Variants in HS6ST3 observed in about 807,000 individuals in gnomAD.
The protein encoded by HS6ST3 is heparan-sulfate 6-O-sulfotransferase 3.
Under a neutral mutation model 36.7 loss-of-function variants are expected in HS6ST3, and 12 were observed. The ratio of observed to expected loss-of-function variants is 0.33; its 90% CI spans 0.21 to 0.53. The LOEUF (loss-of-function observed/expected upper bound fraction) is 0.53. Among genes scored for constraint, HS6ST3 ranks in the 20% least tolerant of loss-of-function variants. HS6ST3 has a pLI of 0.95. For missense variants in HS6ST3, 584 were observed against 640.9 expected, an observed-to-expected ratio of 0.91 and a Z score of 0.96; for synonymous variants, 240 against 257.5, an observed-to-expected ratio of 0.93 and a Z score of 0.65.
chr13:96,570,981 T>G (rs1449451399), intron 1 of HS6ST3, among the ~76,000 whole-genome samples: 1 of 152,134 alleles, frequency 6.6e-6, no homozygotes, highest in African/African-American at 2.4e-5. Flanking sequence ...GGGAGTGTTT[T>G]GGGCCAGAAA....
chr13:96,235,586 C>G (rs947508813), intron 1 of HS6ST3, among the ~76,000 whole-genome samples: 17 of 152,034 alleles, frequency 1.1e-4, no homozygotes, highest in African/African-American at 3.9e-4. Flanking sequence ...AAGGGCGTAG[C>G]ATGGGTTGTT....
At position 96,834,696 on chromosome 13, in the gene HS6ST3, A is replaced by G. The variant is rs1026376370; in HGVS notation, c.*1498A>G. The G allele has an allele frequency of 6.6e-6, 1 of 152,612 alleles. No homozygotes were observed. Among genetic ancestry groups the G allele is most frequent in the Non-Finnish European group, 1.5e-5 (1 of 68,042 alleles). The allele number at this position is 152,612 out of a possible 1,614,324, so 9.5% of individuals were successfully genotyped here. A position where few individuals can be genotyped will look rare whatever the true frequency, so the allele number is the denominator to read the frequency against. ...GTGTAAAACCCCTAAATCAGATTGA[A>G]AAGCCTATTTCATTGATATCCAACA... On this transcript the variant is annotated 3_prime_UTR_variant, in exon 2 of 2. Transcript: ENST00000376705.
intron 1 of HS6ST3, among the ~76,000 whole-genome samples, chr13:96,772,969 G>A (rs1877300702): frequency 6.6e-6 from 1 of 152,156 alleles, no homozygotes. Flanking sequence ...GAGGTACCCA[G>A]GTCATCTCAC....
intron 1 of HS6ST3, among the ~76,000 whole-genome samples, chr13:96,745,407 A>G (rs1364592782): frequency 6.6e-6 from 1 of 152,074 alleles, no homozygotes; most frequent in Non-Finnish European, 1.5e-5. Context: ...GCCCAGCCAT[A>G]TGGTTGTAAA....
At chr13:96,529,042 A>G (rs2138933175) in intron 1 of HS6ST3, among the ~76,000 whole-genome samples, 1 of 152,280 alleles carries the variant, frequency 6.6e-6, no homozygotes, top group South Asian at 2.1e-4. Flanking sequence ...GTAAACTAAT[A>G]TTTCTAATAT....
intron 1 of HS6ST3, among the ~76,000 whole-genome samples, chr13:96,791,818 C>T (rs916352129): frequency 6.6e-6 from 1 of 151,944 alleles, no homozygotes; most frequent in Non-Finnish European, 1.5e-5. Flanking sequence ...TTAATGATGA[C>T]TTCCTGTAAG....
chr13:96,265,175 T>C (rs1258096016), intron 1 of HS6ST3, among the ~76,000 whole-genome samples: 1 of 152,148 alleles, frequency 6.6e-6, no homozygotes, highest in South Asian at 2.1e-4. Flanking sequence ...TTAATTAATA[T>C]GCACACACTT....
chr13:96,774,914 G>A (rs1364114989), intron 1 of HS6ST3, among the ~76,000 whole-genome samples: 2 of 152,126 alleles, frequency 1.3e-5, no homozygotes, highest in African/African-American at 4.8e-5. Flanking sequence ...AGGAAAAAAT[G>A]TTAAGGGCAG....
intron 1 of HS6ST3, among the ~76,000 whole-genome samples, chr13:96,145,250 A>G (rs2139319778): frequency 1.3e-5 from 2 of 151,354 alleles, no homozygotes; most frequent in East Asian, 3.9e-4. Context: ...CAATGGTTGA[A>G]CTAGTTTACA....
Position 96,090,669 on chromosome 13 carries a change from G to A in HS6ST3, c.-194G>A, listed in dbSNP as rs574811179. Among the ~76,000 whole-genome samples, 17 of 147,228 alleles carry A rather than the reference G, an allele frequency of 1.2e-4. No individual in the cohort carries two copies. The East Asian group carries it at 2.2e-3, about 19-fold the overall frequency. ...GCGCCGGCGCCCGCCTCCCCCGCCC[G>A]GCTCGCAGGCCCCGGCTCCTCAAGC... On this transcript the variant is annotated 5_prime_UTR_variant, in exon 1 of 2. Coordinates refer to ENST00000376705, the MANE Select transcript of HS6ST3 (RefSeq NM_153456.4).
chr13:96,360,516 C>A (rs990688001), intron 1 of HS6ST3, among the ~76,000 whole-genome samples: 21 of 151,964 alleles, frequency 1.4e-4, no homozygotes, highest in Non-Finnish European at 5.9e-5. Flanking sequence ...TTTCAATCAC[C>A]CACTGTCAGA....
intron 1 of HS6ST3, among the ~76,000 whole-genome samples, chr13:96,302,081 G>T (rs528501450): frequency 1.1e-4 from 17 of 151,912 alleles, no homozygotes; most frequent in Non-Finnish European, 2.4e-4. Flanking sequence ...GGCAGTGGGG[G>T]TTATATTAAT....
chr13:96,229,781 A>ACCCC (rs151036403), intron 1 of HS6ST3, among the ~76,000 whole-genome samples: 5 of 150,944 alleles, frequency 3.3e-5, no homozygotes, highest in Admixed American at 1.3e-4. Flanking sequence ...TCAGGGGGAG[A>ACCCC]CCCCCCCCTT....
intron 1 of HS6ST3, among the ~76,000 whole-genome samples, chr13:96,457,334 C>T (rs2055759096): frequency 6.6e-6 from 1 of 151,748 alleles, no homozygotes; most frequent in Admixed American, 6.6e-5. Context: ...ACAACCCCAA[C>T]CTCAAACAAT....
At chr13:96,249,185 A>G (rs2054597042) in intron 1 of HS6ST3, among the ~76,000 whole-genome samples, 1 of 152,190 alleles carries the variant, frequency 6.6e-6, no homozygotes, top group African/African-American at 2.4e-5. Flanking sequence ...CCCATTTTCA[A>G]CTAGTTGCTT....
intron 1 of HS6ST3, among the ~76,000 whole-genome samples, chr13:96,293,906 T>C (rs758794380): frequency 2.0e-5 from 3 of 152,154 alleles, no homozygotes; most frequent in African/African-American, 7.2e-5. Flanking sequence ...TAGTTGTCCA[T>C]GCACTTTTCT....
chr13:96,646,022 C>G (rs2056587345), intron 1 of HS6ST3, among the ~76,000 whole-genome samples: 1 of 151,258 alleles, frequency 6.6e-6, no homozygotes, highest in Non-Finnish European at 1.5e-5. Flanking sequence ...ATTCAATAGA[C>G]TTAGAAAGAC....
At chr13:96,125,689 C>A (rs1390737585) in intron 1 of HS6ST3, among the ~76,000 whole-genome samples, 1 of 151,498 alleles carries the variant, frequency 6.6e-6, no homozygotes, top group African/African-American at 2.4e-5. Context: ...ATAATTGACT[C>A]TTTTTTGTTA....
At chr13:96,174,501 C>T (rs185681368) in intron 1 of HS6ST3, among the ~76,000 whole-genome samples, 6 of 152,236 alleles carry the variant, frequency 3.9e-5, no homozygotes, top group Admixed American at 3.9e-4. Context: ...CCCAAGTAAC[C>T]TGGCATTTCA....
Sources: allele counts gnomAD v4.1 joint callset (sites outside exome capture counted in the v4.1 genomes callset), GRCh38; gene constraint gnomAD v4.1.1; transcripts MANE v1.5; gene names NCBI Gene and HGNC (gene_info 2026-07-23, HGNC 2026-07-21).